HIBCH: variants seen among roughly 807,000 people sequenced by gnomAD.
HIBCH encodes 3-hydroxyisobutyryl-CoA hydrolase, mitochondrial.
In HIBCH, 50 loss-of-function variants were observed where a neutral mutation model predicts 58.2. That is an observed-to-expected ratio of 0.86 (90% CI 0.68 to 1.09). The LOEUF is 1.09. HIBCH is among the 50% of genes least tolerant of loss of function. The probability of loss-of-function intolerance (pLI) is 0.00; values close to 1 mark genes in which losing one functional copy is unlikely to be tolerated. For missense variants in HIBCH, 450 were observed against 449.7 expected (o/e 1.00, Z -0.01); for synonymous variants, 151 against 146.9 (o/e 1.03, Z -0.20).
At chr2:190,297,083 C>A in intron 2 of HIBCH, 130 bp from the exon 3 acceptor site, 1 of 808,198 alleles carries the variant, frequency 1.2e-6, no homozygotes, top group Non-Finnish European at 2.0e-6. Context: ...ACTAGGTACA[C>A]CTTATAAGTT....
chr2:190,238,226 A>G (rs1686340886), intron 11 of HIBCH, among the ~76,000 whole-genome samples: 1 of 152,162 alleles, frequency 6.6e-6, no homozygotes, highest in Non-Finnish European at 1.5e-5. Context: ...TTCTGGTTCT[A>G]GATCCTTGAG....
At chr2:190,233,559 C>A (rs1229829785) in intron 11 of HIBCH, among the ~76,000 whole-genome samples, 5 of 152,186 alleles carry the variant, frequency 3.3e-5, no homozygotes, top group African/African-American at 1.2e-4. Flanking sequence ...AAATATAAGT[C>A]CATTAAATCT....
intron 1 of HIBCH, among the ~76,000 whole-genome samples, chr2:190,313,576 C>A (rs1272744362): frequency 7.0e-6 from 1 of 143,532 alleles, no homozygotes; most frequent in Non-Finnish European, 1.5e-5. Context: ...ATTTCTAACA[C>A]AGAGGTTGCA....
downstream of HIBCH, chr2:190,199,652 T>A: frequency 1.6e-6 from 2 of 1,285,784 alleles, no homozygotes; most frequent in African/African-American, 1.5e-5. Context: ...CATACACTAT[T>A]TTGCATTCTG....
At chr2:190,198,226 C>T (rs1414507839) in intron 1 of HIBCH, among the ~76,000 whole-genome samples, 1 of 152,142 alleles carries the variant, frequency 6.6e-6, no homozygotes, top group Non-Finnish European at 1.5e-5. Flanking sequence ...TTATGAGAAA[C>T]TGGGTAGAAT....
chr2:190,248,518 C>T (rs918532065), intron 9 of HIBCH, among the ~76,000 whole-genome samples: 2 of 152,140 alleles, frequency 1.3e-5, no homozygotes, highest in African/African-American at 2.4e-5. Context: ...GAGTAAGTAT[C>T]TACTCTTCTG....
At chr2:190,319,621 A>G in intron 1 of HIBCH, 95 bp downstream of exon 1, 1 of 1,110,326 alleles carries the variant, frequency 9.0e-7, no homozygotes, top group South Asian at 1.3e-5. Flanking sequence ...CGCGACTCGA[A>G]ACTTCGAGGC....
downstream of HIBCH, chr2:190,199,806 G>C: frequency 6.3e-7 from 1 of 1,580,746 alleles, no homozygotes; most frequent in Non-Finnish European, 8.6e-7. Context: ...GTTTTCTAAA[G>C]ATGGCCTGGA....
chr2:190,235,086 CTG>C (rs1686229308), intron 11 of HIBCH, among the ~76,000 whole-genome samples: 1 of 152,200 alleles, frequency 6.6e-6, no homozygotes, highest in Non-Finnish European at 1.5e-5. Flanking sequence ...ACAAAAGTAA[CTG>C]TTTTAAAGGA....
chr2:190,240,743 T>C (rs1686427565), intron 11 of HIBCH, among the ~76,000 whole-genome samples: 1 of 152,216 alleles, frequency 6.6e-6, no homozygotes, highest in African/African-American at 2.4e-5. Context: ...ATTTACCCAG[T>C]AGTCATTCAG....
At position 190,304,095 on chromosome 2, in the gene HIBCH, T is replaced by G. The variant is rs1575762185; in HGVS notation, c.78+6659A>C. Among the ~76,000 whole-genome samples, 1 of 152,052 alleles carries G rather than the reference T, an allele frequency of 6.6e-6. No individual in the cohort carries two copies. The highest frequency in any genetic ancestry group is 1.5e-5 in the Non-Finnish European group (1 of 68,010). ...ACAGACTAGAGGAAACTAAAAAGCATGACAAGTGAATGCAGTGTCATTGAT... is the reference window on the plus strand; with the variant it reads ...ACAGACTAGAGGAAACTAAAAAGCAGGACAAGTGAATGCAGTGTCATTGAT... On this transcript the variant is annotated intron_variant, in intron 2 of 13. Transcript: ENST00000359678. This position sits in a 1 kb window ranked among gnomAD's most constrained non-coding sequence, Gnocchi z 4.1.
chr2:190,224,248 G>A (rs1250930334), intron 11 of HIBCH, among the ~76,000 whole-genome samples: 1 of 152,200 alleles, frequency 6.6e-6, no homozygotes, highest in African/African-American at 2.4e-5. Flanking sequence ...CGTAAACAAA[G>A]CAGCAGGGAA....
At chr2:190,317,224 C>T (rs1688726987) in intron 1 of HIBCH, among the ~76,000 whole-genome samples, 1 of 152,194 alleles carries the variant, frequency 6.6e-6, no homozygotes, top group South Asian at 2.1e-4. Context: ...TCTGATGAGG[C>T]TTCCTGACTC....
At chr2:190,253,017 C>T (rs1366546894) in intron 7 of HIBCH, among the ~76,000 whole-genome samples, 2 of 151,954 alleles carry the variant, frequency 1.3e-5, no homozygotes, top group African/African-American at 4.8e-5. Context: ...AGTGAAACCC[C>T]GTCTCTACTA....
intron 11 of HIBCH, among the ~76,000 whole-genome samples, chr2:190,228,625 T>A (rs1031093080): frequency 6.6e-6 from 1 of 152,186 alleles, no homozygotes; most frequent in Non-Finnish European, 1.5e-5. Context: ...TCTTTAGCTA[T>A]GCAAGAAATG....
intron 1 of HIBCH, chr2:190,311,059 A>C: frequency 4.7e-6 from 3 of 636,382 alleles, no homozygotes; most frequent in Non-Finnish European, 8.7e-6. Flanking sequence ...AAGACAAACC[A>C]ATTTCAATAC....
At chr2:190,199,648 C>G, downstream of HIBCH, 1 of 1,233,636 alleles carries the variant, frequency 8.1e-7, no homozygotes, top group Non-Finnish European at 1.1e-6. Flanking sequence ...CAATCATACA[C>G]TATTTTGCAT....
At chr2:190,274,135 T>TTATGAAA (rs1325738471) in intron 6 of HIBCH, among the ~76,000 whole-genome samples, 1 of 152,210 alleles carries the variant, frequency 6.6e-6, no homozygotes, top group Non-Finnish European at 1.5e-5. Flanking sequence ...ATAAATGTTG[T>TTATGAAA]TATGAAAAAC....
At chr2:190,274,160 TTTAA>T (rs1160869374) in intron 6 of HIBCH, among the ~76,000 whole-genome samples, 1 of 152,212 alleles carries the variant, frequency 6.6e-6, no homozygotes, top group East Asian at 1.9e-4. Flanking sequence ...CACTTTATTA[TTTAA>T]TTAAAAAATG....
Sources: gnomAD v4.1 joint callset for allele counts (sites outside exome capture counted in the v4.1 genomes callset) on GRCh38, gnomAD v4.1.1 for gene constraint, Gnocchi (gnomAD v3.1) non-coding constraint, MANE v1.5 for transcripts, NCBI Gene and HGNC (gene_info 2026-07-23, HGNC 2026-07-21) for gene names.